The following PSPH variants were observed in gnomAD, a reference collection of about 807,000 sequenced individuals.
PSPH encodes L-3-phosphoserine phosphatase.
A neutral mutation model predicts 23.4 loss-of-function variants in PSPH; 16 were observed. The observed-to-expected ratio is 0.68, with a 90% confidence interval of 0.46 to 1.04. The LOEUF (loss-of-function observed/expected upper bound fraction) is 1.04, where lower values mean the gene tolerates loss of function less well. PSPH is among the 50% of genes least tolerant of loss of function. The pLI, the probability that PSPH is intolerant of heterozygous loss-of-function variation, is 0.00. For synonymous variants in PSPH, 68 were observed against 99.7 expected (o/e 0.68, Z 1.89); for missense variants, 223 against 273.7 (o/e 0.81, Z 1.31).
rs553903148 is a variant in PSPH at position 56,048,958 on chromosome 7, C to T, written c.-292+2180G>A. Among the ~76,000 whole-genome samples, 5 of 151,878 alleles carry T rather than the reference C, an allele frequency of 3.3e-5. No individual in the cohort carries two copies. The South Asian group carries it at 1.0e-3, about 32-fold the overall frequency. The stretch of plus-strand genomic sequence containing the variant: ...TCTTTGAGACAGAGTCTCACTGTGT[C>T]ACCCAGGCTGGAGTGCAGTGGCTCC... On this transcript the variant is annotated intron_variant, in intron 1 of 7. Transcript: ENST00000275605.
At chr7:56,020,681 G>A (rs531635038) in intron 4 of PSPH, among the ~76,000 whole-genome samples, 1 of 149,948 alleles carries the variant, frequency 6.7e-6, no homozygotes, top group South Asian at 2.1e-4. Context: ...GACTGCAGAG[G>A]GAGGTCCCCA....
intron 1 of PSPH, among the ~76,000 whole-genome samples, chr7:56,040,616 C>T (rs369544022): frequency 1.3e-5 from 2 of 151,918 alleles, no homozygotes; most frequent in African/African-American, 4.8e-5. Flanking sequence ...GAATTGTCCC[C>T]TTCCTCCTCC....
chr7:56,042,357 G>C (rs1265991322), intron 1 of PSPH, among the ~76,000 whole-genome samples: 1 of 151,696 alleles, frequency 6.6e-6, no homozygotes, highest in Non-Finnish European at 1.5e-5. Flanking sequence ...ATCCAGGAAA[G>C]AAGCAGAAGG....
At chr7:56,017,501 T>A in intron 5 of PSPH, 122 bp from the exon 6 acceptor site, 8 of 1,520,392 alleles carry the variant, frequency 5.3e-6, no homozygotes, top group Non-Finnish European at 7.0e-6. Flanking sequence ...GCCTGAGGTA[T>A]GTTTGACAAG....
chr7:56,018,618 G>A (rs1203212197), intron 5 of PSPH, among the ~76,000 whole-genome samples: 3 of 152,018 alleles, frequency 2.0e-5, no homozygotes, highest in African/African-American at 7.2e-5. Flanking sequence ...CTTGAGGCCA[G>A]GAGCTTGAGA....
chr7:56,040,590 G>C (rs187862231), intron 1 of PSPH, among the ~76,000 whole-genome samples: 2 of 152,086 alleles, frequency 1.3e-5, no homozygotes, highest in East Asian at 3.9e-4. Flanking sequence ...TATAAGAACT[G>C]TGGCAATATT....
At chr7:56,013,907 C>T (rs372108209) in intron 7 of PSPH, among the ~76,000 whole-genome samples, 1 of 151,962 alleles carries the variant, frequency 6.6e-6, no homozygotes, top group East Asian at 1.9e-4. Flanking sequence ...CAGGGGAGAT[C>T]GCTTGAGCTC....
chr7:56,030,793 G>C (rs1270042480), intron 3 of PSPH, among the ~76,000 whole-genome samples: 1 of 152,138 alleles, frequency 6.6e-6, no homozygotes, highest in Non-Finnish European at 1.5e-5. Flanking sequence ...CAGCTACTCA[G>C]GAGGCTGAGG....
chr7:56,035,341 T>C (rs1347010798), intron 1 of PSPH, among the ~76,000 whole-genome samples: 1 of 151,996 alleles, frequency 6.6e-6, no homozygotes, highest in Non-Finnish European at 1.5e-5. Context: ...TGAAACTCCG[T>C]TTAAAAAAAA....
intron 3 of PSPH, among the ~76,000 whole-genome samples, chr7:56,025,521 A>G (rs567191392): frequency 6.6e-6 from 1 of 152,188 alleles, no homozygotes; most frequent in South Asian, 2.1e-4. Context: ...AGCCTCCCAA[A>G]GTGCTGGAAC....
At chr7:56,050,768 T>A (rs1056721078) in intron 1 of PSPH, among the ~76,000 whole-genome samples, 1 of 152,208 alleles carries the variant, frequency 6.6e-6, no homozygotes, top group African/African-American at 2.4e-5. Flanking sequence ...ATTCATAGAG[T>A]ACCCAGGGGT....
rs886990565 is a variant in PSPH at position 56,015,314 on chromosome 7, C to G, written c.422-143G>C. 1.6e-5 allele frequency: 13 copies of G among 807,316 alleles called. No individual in the cohort carries two copies. In the East Asian group the frequency reaches 3.2e-4, roughly 20 times the overall value. The allele number at this position is 807,316 out of a possible 1,614,324, so 50.0% of individuals were successfully genotyped here. A position where few individuals can be genotyped will look rare whatever the true frequency, so the allele number is the denominator to read the frequency against. ...GGTAAAGTCACACAGCCTGGAGCTC[C>G]ACACCTGTTCCTGGGAATAAACAAG... is the stretch of plus-strand genomic sequence containing the variant. On this transcript the variant is annotated intron_variant, in intron 6 of 7. Transcript: ENST00000275605.
intron 1 of PSPH, among the ~76,000 whole-genome samples, chr7:56,046,938 T>C (rs1793329780): frequency 6.6e-6 from 1 of 152,110 alleles, no homozygotes; most frequent in Non-Finnish European, 1.5e-5. Flanking sequence ...CTCTGAAGAT[T>C]AGCAACTGTA....
chr7:56,042,853 T>C (rs1792737130), intron 1 of PSPH, among the ~76,000 whole-genome samples: 1 of 152,018 alleles, frequency 6.6e-6, no homozygotes, highest in African/African-American at 2.4e-5. Context: ...CAGAAGTGAA[T>C]ATGAAGCTAA....
At chr7:56,035,292 C>T (rs1246917300) in intron 1 of PSPH, among the ~76,000 whole-genome samples, 1 of 151,986 alleles carries the variant, frequency 6.6e-6, no homozygotes, top group Non-Finnish European at 1.5e-5. Context: ...TTGCAGTGAA[C>T]CAAGATCGTG....
At chr7:56,025,751 A>G (rs1012119571) in intron 3 of PSPH, among the ~76,000 whole-genome samples, 4 of 151,992 alleles carry the variant, frequency 2.6e-5, no homozygotes, top group African/African-American at 9.7e-5. Flanking sequence ...GTGCCACCAC[A>G]TCCAGCTAAT....
intron 1 of PSPH, among the ~76,000 whole-genome samples, chr7:56,039,253 A>G (rs1792160176): frequency 6.6e-6 from 1 of 152,136 alleles, no homozygotes; most frequent in Non-Finnish European, 1.5e-5. Flanking sequence ...AAACTTTAAA[A>G]AGAGACTATC....
In PSPH at chr7:56,015,031, G is replaced by A; in HGVS notation, c.562C>T (p.Pro188Ser). 2 of 1,613,926 alleles carry A rather than the reference G, an allele frequency of 1.2e-6. No homozygotes were observed. Among genetic ancestry groups the A allele is most frequent in the Non-Finnish European group, 1.7e-6 (2 of 1,179,948 alleles). ...GDGATDMEAC[P>S]PADAFIGFGG... ...GCACCCTTAATACATACAGCAGGAG[G>A]ACAGGCTTCCATATCTGTGGCACCA... is the stretch of plus-strand genomic sequence containing the variant. The change falls in exon 7 of 8, where the codon CCT becomes TCT. Residue 188 changes from proline to serine, a missense_variant. Coordinates refer to ENST00000275605, the MANE Select transcript of PSPH (RefSeq NM_004577.4).
In PSPH at chr7:56,019,521, G is replaced by T. The variant is rs1789023312; in HGVS notation, c.275+79C>A. On this transcript the variant is annotated intron_variant, in intron 5 of 7. Coordinates refer to ENST00000275605, the MANE Select transcript of PSPH (RefSeq NM_004577.4). ...TAAACCACCCAGAGGGCACTCTAAA[G>T]GAATAGTTAGATGCTCTTGGGAGGA... The T allele has an allele frequency of 2.5e-6, 4 of 1,578,868 alleles. No individual in the cohort carries two copies. In the Admixed American group the frequency reaches 6.8e-5, roughly 27 times the overall value.
Sources: allele counts gnomAD v4.1 joint callset (sites outside exome capture counted in the v4.1 genomes callset), GRCh38; gene constraint gnomAD v4.1.1; transcripts MANE v1.5; gene names NCBI Gene and HGNC (gene_info 2026-07-23, HGNC 2026-07-21).